Variants in RERG observed in about 807,000 individuals in gnomAD.
RERG encodes the protein ras-related and estrogen-regulated growth inhibitor.
A neutral mutation model predicts 23.2 loss-of-function variants in RERG; 25 were observed. That is an observed-to-expected ratio of 1.08 (90% confidence interval 0.79 to 1.50). The LOEUF is 1.50. Among genes scored for constraint, RERG ranks in the 40% most tolerant of loss-of-function variants. RERG has a pLI of 0.00. For missense variants in RERG, 253 were observed against 250.1 expected, an observed-to-expected ratio of 1.01 and a Z score of -0.08; for synonymous variants, 81 against 89.1, an observed-to-expected ratio of 0.91 and a Z score of 0.51.
At chr12:15,125,491 T>C (rs1265934941) in intron 2 of RERG, among the ~76,000 whole-genome samples, 1 of 152,044 alleles carries the variant, frequency 6.6e-6, no homozygotes, top group East Asian at 1.9e-4. Flanking sequence ...CATTTCATTA[T>C]AGTACTTACA....
intron 2 of RERG, among the ~76,000 whole-genome samples, chr12:15,140,939 TGGTA>T (rs992291134): frequency 5.3e-5 from 8 of 152,150 alleles, no homozygotes; most frequent in Non-Finnish European, 1.2e-4. Context: ...ATGTGTGATT[TGGTA>T]GTTGCCATTA....
At chr12:15,120,742 C>T (rs973315091) in intron 3 of RERG, among the ~76,000 whole-genome samples, 1 of 152,128 alleles carries the variant, frequency 6.6e-6, no homozygotes, top group Admixed American at 6.5e-5. Flanking sequence ...ACCAAATTTT[C>T]CATGTCCGTT....
In RERG at chr12:15,109,219, C is replaced by G; in HGVS notation, c.491G>C (p.Cys164Ser). The change falls in exon 5 of 5, where the codon TGT becomes TCT. Residue 164 changes from cysteine (C) to serine (S), a missense_variant. By Grantham distance (112) the Cys-to-Ser change is moderately radical. Transcript: ENST00000256953. The part of the protein sequence containing the change: ...GNITEIFYEL[C>S]REVRRRRMVQ... The stretch of plus-strand genomic sequence containing the variant: ...CATCCTCCGGCGACGCACCTCTCGA[C>G]ACAATTCATAGAATATCTCTGTGAT... The G allele has an allele frequency of 6.2e-7, 1 of 1,614,146 alleles. No individual in the cohort carries two copies. The highest frequency in any genetic ancestry group is 2.2e-5 in the East Asian group (1 of 44,876).
chr12:15,187,393 C>T (rs1465540786), intron 2 of RERG, among the ~76,000 whole-genome samples: 1 of 152,074 alleles, frequency 6.6e-6, no homozygotes, highest in Non-Finnish European at 1.5e-5. Flanking sequence ...AGTCTGGGGT[C>T]TTAGCACAAT....
intron 1 of RERG, among the ~76,000 whole-genome samples, chr12:15,219,627 CATA>C (rs1228341211): frequency 6.6e-6 from 1 of 152,164 alleles, no homozygotes; most frequent in African/African-American, 2.4e-5. Flanking sequence ...ATCACAGAAA[CATA>C]ATATGTGGAG....
intron 2 of RERG, among the ~76,000 whole-genome samples, chr12:15,203,435 A>G (rs1372291369): frequency 6.6e-6 from 1 of 151,570 alleles, no homozygotes. Context: ...TCAGTGTAAT[A>G]CTCCATATGG....
intron 2 of RERG, among the ~76,000 whole-genome samples, chr12:15,145,012 C>G (rs1452086964): frequency 1.3e-5 from 2 of 152,100 alleles, no homozygotes; most frequent in Non-Finnish European, 2.9e-5. Context: ...CATTCCTTCT[C>G]TTTCTATTAG....
chr12:15,210,699 A>G (rs1363920937), intron 2 of RERG, among the ~76,000 whole-genome samples: 2 of 152,200 alleles, frequency 1.3e-5, no homozygotes, highest in African/African-American at 2.4e-5. Context: ...CCTTTTATAC[A>G]TATACGTAGG....
chr12:15,164,659 G>A (rs1864661375), intron 2 of RERG, among the ~76,000 whole-genome samples: 1 of 152,126 alleles, frequency 6.6e-6, no homozygotes, highest in African/African-American at 2.4e-5. Context: ...TTTGTCTTAG[G>A]GGGCCAACAG....
chr12:15,161,760 A>G (rs577800275), intron 2 of RERG, among the ~76,000 whole-genome samples: 3 of 152,284 alleles, frequency 2.0e-5, no homozygotes, highest in South Asian at 4.1e-4. Context: ...AATCAATACT[A>G]CCAATAACAA....
chr12:15,117,675 G>GCGCGCGCGCACACA (rs1555119493), intron 3 of RERG, among the ~76,000 whole-genome samples: 97 of 145,132 alleles, frequency 6.7e-4, no homozygotes, highest in African/African-American at 2.6e-3. Context: ...TCACACACGC[G>GCGCGCGCGCACACA]CACACACACA....
At chr12:15,137,160 G>T (rs1565514986) in intron 2 of RERG, among the ~76,000 whole-genome samples, 1 of 151,596 alleles carries the variant, frequency 6.6e-6, no homozygotes, top group South Asian at 2.1e-4. Context: ...ATCATGTAAT[G>T]TTCCTTTTAA....
intron 2 of RERG, among the ~76,000 whole-genome samples, chr12:15,148,977 T>A (rs1028206407): frequency 1.4e-5 from 2 of 147,212 alleles, no homozygotes; most frequent in African/African-American, 5.0e-5. Flanking sequence ...CATGCCATTC[T>A]CCTGCCTCAG....
intron 2 of RERG, among the ~76,000 whole-genome samples, chr12:15,133,041 CT>C (rs762390855): frequency 0.014 from 1,430 of 103,366 alleles, 22 homozygotes; most frequent in African/African-American, 0.038. Flanking sequence ...AGTGTGGTAA[CT>C]TTTTTTTTTT....
At chr12:15,152,048 C>G (rs1307224883) in intron 2 of RERG, 1 of 152,154 alleles carries the variant, frequency 6.6e-6, no homozygotes, top group African/African-American at 2.4e-5. Flanking sequence ...ATGAAATAAC[C>G]CAGGAACTAT....
At chr12:15,120,077 T>C (rs1203812066) in intron 3 of RERG, among the ~76,000 whole-genome samples, 3 of 152,104 alleles carry the variant, frequency 2.0e-5, no homozygotes, top group Non-Finnish European at 4.4e-5. Context: ...TGGAGAAAGG[T>C]AGAGAGTATT....
intron 2 of RERG, among the ~76,000 whole-genome samples, chr12:15,137,595 A>T (rs550196218): frequency 6.6e-6 from 1 of 151,954 alleles, no homozygotes; most frequent in South Asian, 2.1e-4. Context: ...AAAAATATGA[A>T]TTTACAACTA....
chr12:15,113,685 A>C (rs1863666008), intron 3 of RERG, among the ~76,000 whole-genome samples: 1 of 151,886 alleles, frequency 6.6e-6, no homozygotes, highest in Non-Finnish European at 1.5e-5. Flanking sequence ...AAACAAAAAC[A>C]AAAATTTTCT....
At chr12:15,167,074 G>A (rs985007725) in intron 2 of RERG, among the ~76,000 whole-genome samples, 6 of 152,146 alleles carry the variant, frequency 3.9e-5, no homozygotes, top group African/African-American at 1.4e-4. Context: ...GCATAGGCAA[G>A]CCTTGGTGCA....
Sources: allele counts gnomAD v4.1 joint callset (sites outside exome capture counted in the v4.1 genomes callset), GRCh38; gene constraint gnomAD v4.1.1; transcripts MANE v1.5; gene names NCBI Gene and HGNC (gene_info 2026-07-23, HGNC 2026-07-21).